Variants in KSR1 observed in about 807,000 individuals in gnomAD.
KSR1 encodes kinase suppressor of ras 1, also known as kinase suppressor of ras.
A neutral mutation model predicts 92.9 loss-of-function variants in KSR1; 35 were observed. The observed-to-expected ratio is 0.38, with a 90% CI of 0.29 to 0.50. The LOEUF (loss-of-function observed/expected upper bound fraction) is 0.50. Among genes scored for constraint, KSR1 ranks in the 20% least tolerant of loss-of-function variants. The probability of loss-of-function intolerance (pLI) is 0.94; values close to 1 mark genes in which losing one functional copy is unlikely to be tolerated. For missense variants in KSR1, 972 were observed against 1,158.5 expected (o/e 0.84, Z 2.34); for synonymous variants, 467 against 472.6 (o/e 0.99, Z 0.15).
chr17:27,487,909 A>T (rs1416260907), intron 1 of KSR1, among the ~76,000 whole-genome samples: 1 of 152,108 alleles, frequency 6.6e-6, no homozygotes, highest in Non-Finnish European at 1.5e-5. Flanking sequence ...GACGGTGGGG[A>T]CAGCACCAAG....
At chr17:27,464,465 G>A (rs1192616743) in intron 1 of KSR1, among the ~76,000 whole-genome samples, 1 of 152,148 alleles carries the variant, frequency 6.6e-6, no homozygotes, top group Non-Finnish European at 1.5e-5. Flanking sequence ...GCATGGCCAG[G>A]TGTGGTGGCT....
intron 10 of KSR1, 146 bp from the exon 11 acceptor site, chr17:27,601,214 G>T: frequency 1.5e-6 from 1 of 660,038 alleles, no homozygotes; most frequent in South Asian, 1.9e-5. Flanking sequence ...TGCATGGTTT[G>T]GCCTGTCCTT....
intron 1 of KSR1, among the ~76,000 whole-genome samples, chr17:27,486,068 T>A (rs1016375287): frequency 6.6e-6 from 1 of 152,250 alleles, no homozygotes; most frequent in Admixed American, 6.5e-5. Context: ...TGAGTGTTTG[T>A]TAAATAAGGA....
At chr17:27,537,530 A>G (rs1026674243) in intron 1 of KSR1, among the ~76,000 whole-genome samples, 1 of 152,112 alleles carries the variant, frequency 6.6e-6, no homozygotes, top group Non-Finnish European at 1.5e-5. Flanking sequence ...ATCTCTACTA[A>G]AAATATAAAA....
In KSR1 at chr17:27,546,160, T is replaced by C. The variant is rs187976849; in HGVS notation, c.232-4408T>C. ...AGGGAAGGGCTGGCTGTGAGAAACATGGGGATAAGAACCACACATTTTCTT... is the reference window on the plus strand; with the variant it reads ...AGGGAAGGGCTGGCTGTGAGAAACACGGGGATAAGAACCACACATTTTCTT... On this transcript the variant is annotated intron_variant, in intron 1 of 20. Transcript: ENST00000644974. Among the ~76,000 whole-genome samples, 271 of 152,284 alleles carry C rather than the reference T, an allele frequency of 1.8e-3. 3 individuals are homozygous for C. Among genetic ancestry groups the C allele is most frequent in the African/African-American group, 5.4e-3 (225 of 41,548 alleles).
At chr17:27,578,165 GCTTT>G (rs1240915816) in intron 3 of KSR1, 2 of 171,426 alleles carry the variant, frequency 1.2e-5, no homozygotes, top group Non-Finnish European at 2.5e-5. Flanking sequence ...TTATTCACAG[GCTTT>G]CTAAATCTTG....
chr17:27,559,020 A>G lies in KSR1; in HGVS notation c.372+8312A>G, dbSNP rs953561214. Among the ~76,000 whole-genome samples, 4 of 151,806 alleles carry G rather than the reference A, an allele frequency of 2.6e-5. No homozygotes were observed. Among genetic ancestry groups the G allele is most frequent in the Non-Finnish European group, 4.4e-5 (3 of 67,958 alleles). On this transcript the variant is annotated intron_variant, in intron 2 of 20. Transcript: ENST00000644974. The surrounding 1 kb of genome is among the most constrained non-coding windows in gnomAD (Gnocchi z 4.2). ...TGTAATCTCCTCCTTCCTTTTCCAT[A>G]TTGTTTTCCTAAGGGCCATCCCTGC...
intron 1 of KSR1, among the ~76,000 whole-genome samples, chr17:27,519,983 TGCAGCAGAGTCTCTGTAAATG>T (rs1567786733): frequency 6.6e-6 from 1 of 152,198 alleles, no homozygotes; most frequent in Non-Finnish European, 1.5e-5. Flanking sequence ...GGGTACTCAG[TGCAGCAGAGTCTCTGTAAATG>T]GCAGAGGTGG....
rs750343968 is a variant in KSR1 at position 27,615,183 on chromosome 17, G to A, written c.2494-2112G>A. ...TATCAGCTTTTCACTCTGGCACTCC[G>A]TTATTTCTGCTGCACCACTTTGGTC... On this transcript the variant is annotated intron_variant, in intron 18 of 20. Transcript: ENST00000644974. Among the ~76,000 whole-genome samples, 125 of 152,326 alleles carry A rather than the reference G, an allele frequency of 8.2e-4. 1 individual carries two copies. The highest frequency in any genetic ancestry group is 5.0e-3 in the Admixed American group (77 of 15,296).
intron 14 of KSR1, among the ~76,000 whole-genome samples, chr17:27,606,484 A>G (rs2073756698): frequency 6.6e-6 from 1 of 152,210 alleles, no homozygotes; most frequent in South Asian, 2.1e-4. Flanking sequence ...GCTGGCTCAC[A>G]CCTTGCCTCC....
At chr17:27,575,234 G>T (rs1427684817) in intron 2 of KSR1, among the ~76,000 whole-genome samples, 1 of 152,152 alleles carries the variant, frequency 6.6e-6, no homozygotes. Context: ...CTATTTTCAT[G>T]GTTATTTCTT....
chr17:27,600,993 G>A (rs1387658853), intron 10 of KSR1, among the ~76,000 whole-genome samples: 2 of 152,224 alleles, frequency 1.3e-5, no homozygotes, highest in East Asian at 3.8e-4. Flanking sequence ...CTCAGGGGGA[G>A]GAGGCCATTC....
At chr17:27,498,812 T>C (rs895009858) in intron 1 of KSR1, among the ~76,000 whole-genome samples, 18 of 152,282 alleles carry the variant, frequency 1.2e-4, no homozygotes, top group African/African-American at 3.8e-4. Flanking sequence ...GATGCGGTTG[T>C]GTGGGCAGGT....
chr17:27,566,600 GGCC>G (rs2072083728), intron 2 of KSR1: 1 of 399,008 alleles, frequency 2.5e-6, no homozygotes. Flanking sequence ...GGGCGCAGGA[GGCC>G]ATTCCACAGC....
In KSR1 at chr17:27,548,659, G is replaced by A. The variant is rs141351849; in HGVS notation, c.232-1909G>A. Reference sequence around the variant, plus strand: ...AGCCTGTCCAACATGGCGAAAACCCGTCTCTACTAAAAATACAAAAATTAG... The same window carrying A: ...AGCCTGTCCAACATGGCGAAAACCCATCTCTACTAAAAATACAAAAATTAG... On this transcript the variant is annotated intron_variant, in intron 1 of 20. Coordinates refer to ENST00000644974, the MANE Select transcript of KSR1 (RefSeq NM_001394583.1). Among the ~76,000 whole-genome samples the A allele has an allele frequency of 6.7e-3, 1,014 of 152,190 alleles. 13 individuals are homozygous for A. The highest frequency in any genetic ancestry group is 0.022 in the African/African-American group (934 of 41,528).
chr17:27,592,193 AGCT>A (rs1243648471), intron 7 of KSR1, among the ~76,000 whole-genome samples, 165 bp from the exon 8 acceptor site: 1 of 152,198 alleles, frequency 6.6e-6, no homozygotes, highest in Admixed American at 6.5e-5. Flanking sequence ...TCAGTGTAGC[AGCT>A]GCTATTACTA....
chr17:27,623,227 C>A, intron 20 of KSR1, 87 bp from the exon 21 acceptor site: 1 of 710,716 alleles, frequency 1.4e-6, no homozygotes. Flanking sequence ...GCCAGGTCCT[C>A]TGCTGAACTC....
At chr17:27,478,128 T>C (rs184684413) in intron 1 of KSR1, among the ~76,000 whole-genome samples, 1 of 152,210 alleles carries the variant, frequency 6.6e-6, no homozygotes, top group Admixed American at 6.5e-5. Context: ...TTCCAGGGCT[T>C]AGCCCAGTAC....
chr17:27,467,075 G>T (rs976449640), intron 1 of KSR1, among the ~76,000 whole-genome samples: 2 of 152,194 alleles, frequency 1.3e-5, no homozygotes, highest in African/African-American at 4.8e-5. Flanking sequence ...AGGTCTTCTC[G>T]CTGTCCCCAT....
Sources: gnomAD v4.1 joint callset for allele counts (sites outside exome capture counted in the v4.1 genomes callset) on GRCh38, gnomAD v4.1.1 for gene constraint, Gnocchi (gnomAD v3.1) non-coding constraint, MANE v1.5 for transcripts, NCBI Gene and HGNC (gene_info 2026-07-23, HGNC 2026-07-21) for gene names.